Variants in CEP128 observed in about 807,000 individuals in gnomAD.
CEP128 encodes the protein centrosomal protein 128kDa.
Under a neutral mutation model 156.7 loss-of-function variants are expected in CEP128, and 132 were observed. That is an observed-to-expected ratio of 0.84 (90% CI 0.73 to 0.97). The LOEUF (loss-of-function observed/expected upper bound fraction) is 0.97. Among genes scored for constraint, CEP128 ranks in the 50% least tolerant of loss-of-function variants. CEP128 has a pLI of 0.00. For synonymous variants in CEP128, 469 were observed against 448.9 expected (o/e 1.04, Z -0.57); for missense variants, 1,252 against 1,281.9 (o/e 0.98, Z 0.36).
At chr14:80,917,027 C>T (rs770045722) in intron 2 of CEP128, among the ~76,000 whole-genome samples, 1 of 152,228 alleles carries the variant, frequency 6.6e-6, no homozygotes, top group East Asian at 1.9e-4. Context: ...TACAATAAGG[C>T]GGTCTCACTC....
At chr14:80,639,400 T>C (rs1595133345) in intron 19 of CEP128, among the ~76,000 whole-genome samples, 1 of 152,138 alleles carries the variant, frequency 6.6e-6, no homozygotes, top group Non-Finnish European at 1.5e-5. Flanking sequence ...GGCGGGTATT[T>C]ACATATGATC....
At chr14:80,612,276 A>T (rs1893024422) in intron 19 of CEP128, among the ~76,000 whole-genome samples, 1 of 152,204 alleles carries the variant, frequency 6.6e-6, no homozygotes. Flanking sequence ...TCATCTCAGA[A>T]ATCTCAAAAT....
chr14:80,636,846 G>A (rs1400721783), intron 19 of CEP128, among the ~76,000 whole-genome samples: 1 of 152,066 alleles, frequency 6.6e-6, no homozygotes, highest in Non-Finnish European at 1.5e-5. Context: ...CAGCACTTTG[G>A]GAGGCCAACA....
intron 21 of CEP128, among the ~76,000 whole-genome samples, chr14:80,537,350 A>G (rs1394726304): frequency 6.6e-6 from 1 of 152,160 alleles, no homozygotes; most frequent in African/African-American, 2.4e-5. Flanking sequence ...TTTCCTTTCA[A>G]TACGAAAACA....
At chr14:80,535,115 C>A (rs9323687) in intron 21 of CEP128, among the ~76,000 whole-genome samples, 6,548 of 152,128 alleles carry the variant, frequency 0.043, 302 homozygotes, top group African/African-American at 0.11. Context: ...TGTTTAGTAG[C>A]AAAATGAAAG....
chr14:80,720,534 C>T (rs907419536), intron 19 of CEP128, among the ~76,000 whole-genome samples: 12 of 152,108 alleles, frequency 7.9e-5, no homozygotes, highest in Non-Finnish European at 1.5e-4. Flanking sequence ...GTATCAGCTT[C>T]CCCCTTAATA....
At chr14:80,580,513 TA>T in intron 19 of CEP128, 90 bp from the exon 20 acceptor site, 2 of 752,178 alleles carry the variant, frequency 2.7e-6, no homozygotes. Context: ...GTAGCTTGTA[TA>T]AACTGTTGCC....
At chr14:80,569,164 T>A (rs1891037749) in intron 20 of CEP128, among the ~76,000 whole-genome samples, 1 of 152,212 alleles carries the variant, frequency 6.6e-6, no homozygotes, top group Non-Finnish European at 1.5e-5. Flanking sequence ...TATAATAATT[T>A]CAAACAAATT....
At chr14:80,863,899 AAAAT>A (rs1187324851) in intron 8 of CEP128, among the ~76,000 whole-genome samples, 4 of 152,218 alleles carry the variant, frequency 2.6e-5, no homozygotes, top group African/African-American at 9.6e-5. Context: ...AAGTTTTAAA[AAAAT>A]AAATAAACAT....
Position 80,895,794 on chromosome 14 carries a change from G to GAA in CEP128, c.573-5_573-4insTT. On this transcript the variant is annotated splice_region_variant and splice_polypyrimidine_tract_variant and intron_variant, in intron 7 of 24. Coordinates refer to ENST00000555265, the MANE Select transcript of CEP128 (RefSeq NM_152446.5). ...CCTTTTTGTTTCGGCATCTGACCTA[G>GAA]GAAGAAAAAAAAAAAAAAGATTTAA... 2 of 1,285,730 alleles carry GAA rather than the reference G, an allele frequency of 1.6e-6. No individual in the cohort carries two copies. The highest frequency in any genetic ancestry group is 2.0e-6 in the Non-Finnish European group (2 of 1,005,338). 79.6% of individuals were successfully genotyped at this position (1,285,730 alleles called of 1,614,324 possible). A position where few individuals can be genotyped will look rare whatever the true frequency, so the allele number is the denominator to read the frequency against.
At chr14:80,792,725 T>A (rs777762873) in intron 14 of CEP128, 35 bp downstream of exon 14, 8 of 1,551,206 alleles carry the variant, frequency 5.2e-6, no homozygotes, top group Middle Eastern at 1.7e-4. Flanking sequence ...TTGAATCACA[T>A]TGAAAACCGT....
chr14:80,550,459 A>T, intron 21 of CEP128, among the ~76,000 whole-genome samples: 1 of 152,258 alleles, frequency 6.6e-6, no homozygotes, highest in East Asian at 1.9e-4. Flanking sequence ...CATTCATATA[A>T]ATAATATAAA....
chr14:80,861,367 T>C (rs980115911), intron 9 of CEP128, among the ~76,000 whole-genome samples: 1 of 151,982 alleles, frequency 6.6e-6, no homozygotes, highest in African/African-American at 2.4e-5. Context: ...AAGAGAATAA[T>C]TGTAACTTTA....
chr14:80,810,323 CAAAA>C (rs71103883), intron 13 of CEP128, among the ~76,000 whole-genome samples: 13 of 15,206 alleles, frequency 8.5e-4, no homozygotes, highest in Non-Finnish European at 1.3e-3. Context: ...ACTCCATCTC[CAAAA>C]AAAAAAAAAA....
intron 23 of CEP128, among the ~76,000 whole-genome samples, chr14:80,522,379 T>C (rs886604501): frequency 3.9e-5 from 6 of 152,208 alleles, no homozygotes; most frequent in Non-Finnish European, 7.3e-5. Flanking sequence ...ATGCTTACAT[T>C]GAACAAATAT....
intron 19 of CEP128, among the ~76,000 whole-genome samples, chr14:80,689,243 A>G (rs1445556393): frequency 6.9e-6 from 1 of 144,002 alleles, no homozygotes. Context: ...GGGAGCTGAG[A>G]GTGACCCACT....
intron 21 of CEP128, among the ~76,000 whole-genome samples, chr14:80,541,465 A>C (rs1357185441): frequency 1.4e-5 from 2 of 141,076 alleles, no homozygotes; most frequent in South Asian, 2.2e-4. Flanking sequence ...AAAAAAAAAA[A>C]CCAGGAAAAA....
intron 19 of CEP128, among the ~76,000 whole-genome samples, chr14:80,647,732 C>T (rs1033635967): frequency 2.0e-5 from 3 of 151,850 alleles, no homozygotes; most frequent in Non-Finnish European, 4.4e-5. Context: ...CAGTATAGCC[C>T]CACAAAAACA....
intron 19 of CEP128, among the ~76,000 whole-genome samples, chr14:80,668,084 G>A (rs186260693): frequency 2.4e-4 from 36 of 152,182 alleles, no homozygotes; most frequent in Non-Finnish European, 3.1e-4. Context: ...AGCATTTTAC[G>A]TGAAGTAACA....
Sources: allele counts gnomAD v4.1 joint callset (sites outside exome capture counted in the v4.1 genomes callset), GRCh38; gene constraint gnomAD v4.1.1; transcripts MANE v1.5; gene names NCBI Gene and HGNC (gene_info 2026-07-23, HGNC 2026-07-21).